The following BCAS3 variants were observed in gnomAD, a reference collection of about 807,000 sequenced individuals.
The protein encoded by BCAS3 is BCAS4/BCAS3 fusion.
In BCAS3, 53 loss-of-function variants were observed where a neutral mutation model predicts 116.1. That is an observed-to-expected ratio of 0.46 (90% confidence interval 0.37 to 0.57). The LOEUF (loss-of-function observed/expected upper bound fraction) is 0.57. Ranked by LOEUF, BCAS3 falls within the 20% of genes least tolerant of loss-of-function variation. The pLI is 0.00. For missense variants in BCAS3, 917 were observed against 1,165.4 expected (o/e 0.79, Z 3.10); for synonymous variants, 391 against 408.2 (o/e 0.96, Z 0.51).
intron 19 of BCAS3, among the ~76,000 whole-genome samples, chr17:61,071,405 G>T (rs1280083183): frequency 6.6e-6 from 1 of 152,150 alleles, no homozygotes; most frequent in Non-Finnish European, 1.5e-5. Context: ...TAGAGGAATG[G>T]CAGTGAGTCT....
At chr17:60,869,310 A>G (rs2054898963) in intron 8 of BCAS3, among the ~76,000 whole-genome samples, 1 of 152,158 alleles carries the variant, frequency 6.6e-6, no homozygotes, top group Non-Finnish European at 1.5e-5. Flanking sequence ...ATCTTCTATC[A>G]CTCAGCACTT....
chr17:60,947,989 C>T (rs527803588), intron 14 of BCAS3, among the ~76,000 whole-genome samples: 1 of 152,276 alleles, frequency 6.6e-6, no homozygotes, highest in Non-Finnish European at 1.5e-5. Flanking sequence ...TAATCACGTA[C>T]ACGTGCATGG....
chr17:60,913,567 G>A (rs763502515), intron 12 of BCAS3, among the ~76,000 whole-genome samples: 13 of 152,082 alleles, frequency 8.5e-5, no homozygotes, highest in Non-Finnish European at 1.3e-4. Context: ...AAACTGCAGT[G>A]GTTAATGTCT....
chr17:60,709,397 C>T, intron 5 of BCAS3, 72 bp downstream of exon 5: 1 of 805,632 alleles, frequency 1.2e-6, no homozygotes. Flanking sequence ...TCTGTAGATA[C>T]TTTTTTTTTT....
At chr17:60,949,239 T>A (rs2060698774) in intron 14 of BCAS3, among the ~76,000 whole-genome samples, 1 of 152,066 alleles carries the variant, frequency 6.6e-6, no homozygotes, top group South Asian at 2.1e-4. Context: ...CTAAGGTTTC[T>A]TATACAATTA....
rs60456812 is a variant in BCAS3 at position 61,192,246 on chromosome 17, C to CAAAAAAAAAA, written c.2425+107689_2425+107698dup. Among the ~76,000 whole-genome samples the CAAAAAAAAAA allele has an allele frequency of 8.1e-3, 568 of 70,496 alleles. 24 individuals are homozygous for CAAAAAAAAAA. Among genetic ancestry groups the CAAAAAAAAAA allele is most frequent in the African/African-American group, 0.023 (506 of 22,052 alleles). 46.2% of individuals were successfully genotyped at this position (70,496 alleles called of 152,430 possible). On this transcript the variant is annotated intron_variant, in intron 22 of 23. Transcript: ENST00000407086. The stretch of plus-strand genomic sequence containing the variant: ...GGGCGACAGAGCAAGGCTCTGTTAC[C>CAAAAAAAAAA]AAAAAAAAAAAAAAAAGAAACATAG...
At chr17:61,038,136 A>G in intron 18 of BCAS3, 82 bp downstream of exon 18, 1 of 1,253,720 alleles carries the variant, frequency 8.0e-7, no homozygotes, top group Non-Finnish European at 1.1e-6. Flanking sequence ...ATAAGTTTTG[A>G]CATGCATACA....
chr17:60,851,944 T>G (rs1002383139), intron 7 of BCAS3, among the ~76,000 whole-genome samples: 8 of 152,214 alleles, frequency 5.3e-5, no homozygotes, highest in Non-Finnish European at 7.3e-5. Context: ...GTTGTTTATT[T>G]TTTGGTACAA....
rs145050785 is a variant in BCAS3 at position 61,141,684 on chromosome 17, C to T, written c.2425+57120C>T. Among the ~76,000 whole-genome samples the T allele has an allele frequency of 7.6e-4, 116 of 152,112 alleles. 1 individual carries two copies. Among genetic ancestry groups the T allele is most frequent in the East Asian group, 3.9e-4 (2 of 5,182 alleles). On this transcript the variant is annotated intron_variant, in intron 22 of 23. Transcript: ENST00000407086. This position sits in a 1 kb window ranked among gnomAD's most constrained non-coding sequence, Gnocchi z 4.3. The stretch of plus-strand genomic sequence containing the variant: ...TTGAGAGGCTGAGGTGGGCGGATCA[C>T]GAGGTCAAGAGATCAAGACCATCCC...
intron 19 of BCAS3, among the ~76,000 whole-genome samples, chr17:61,046,414 G>A (rs1384336913): frequency 6.6e-6 from 1 of 151,258 alleles, no homozygotes; most frequent in East Asian, 1.9e-4. Flanking sequence ...TGGTGTCATG[G>A]GAAATTGGTT....
At chr17:60,787,913 G>A (rs998610317) in intron 6 of BCAS3, among the ~76,000 whole-genome samples, 1 of 150,872 alleles carries the variant, frequency 6.6e-6, no homozygotes, top group Non-Finnish European at 1.5e-5. Flanking sequence ...GACATGAATA[G>A]TACCTTTTTT....
rs946291117 is a variant in BCAS3, at chr17:61,118,836, C to G, written c.2425+34272C>G. On this transcript the variant is annotated intron_variant, in intron 22 of 23. Transcript: ENST00000407086. This position sits in a 1 kb window ranked among gnomAD's most constrained non-coding sequence, Gnocchi z 5.0. Reference sequence around the variant, plus strand: ...GGACTAACTTCGCAGGATTCTGGTGCTGATATTTGAAATAGATATTGTTTT... The same window carrying G: ...GGACTAACTTCGCAGGATTCTGGTGGTGATATTTGAAATAGATATTGTTTT... Among the ~76,000 whole-genome samples, 1 of 151,942 alleles carries G rather than the reference C, an allele frequency of 6.6e-6. No homozygotes were observed. Among genetic ancestry groups the G allele is most frequent in the Non-Finnish European group, 1.5e-5 (1 of 68,000 alleles).
At chr17:60,695,004 G>A (rs150760319) in intron 4 of BCAS3, among the ~76,000 whole-genome samples, 4 of 151,622 alleles carry the variant, frequency 2.6e-5, no homozygotes, top group South Asian at 2.1e-4. Flanking sequence ...TTGCCTTTTT[G>A]TGATTACCTA....
At chr17:61,328,060 A>G (rs2143069772) in intron 22 of BCAS3, among the ~76,000 whole-genome samples, 2 of 152,352 alleles carry the variant, frequency 1.3e-5, no homozygotes, top group Middle Eastern at 6.8e-3. Context: ...GCACTGTTGT[A>G]ACGGCAAAGG....
chr17:61,221,048 C>T (rs532315067), intron 22 of BCAS3, among the ~76,000 whole-genome samples: 3 of 152,236 alleles, frequency 2.0e-5, no homozygotes, highest in African/African-American at 7.2e-5. Context: ...CGCAGTGAGC[C>T]GAGATCGCAC....
chr17:61,009,710 T>C (rs1488128166), intron 15 of BCAS3, among the ~76,000 whole-genome samples: 1 of 152,028 alleles, frequency 6.6e-6, no homozygotes, highest in Non-Finnish European at 1.5e-5. Flanking sequence ...GTAACTTTAA[T>C]ATTTAACATA....
Position 61,151,870 on chromosome 17 carries a change from C to T in BCAS3, c.2425+67306C>T, listed in dbSNP as rs190727134. Reference sequence around the variant, plus strand: ...TTCATGCCAATACTCCTCCTGCAAACGTGAATGTTCCTAAAATGCACCAGA... The same window carrying T: ...TTCATGCCAATACTCCTCCTGCAAATGTGAATGTTCCTAAAATGCACCAGA... On this transcript the variant is annotated intron_variant, in intron 22 of 23. Transcript: ENST00000407086. This position sits in a 1 kb window ranked among gnomAD's most constrained non-coding sequence, Gnocchi z 4.8. Among the ~76,000 whole-genome samples, 35 of 152,264 alleles carry T rather than the reference C, an allele frequency of 2.3e-4. No homozygotes were observed. The highest frequency in any genetic ancestry group is 8.2e-4 in the African/African-American group (34 of 41,540).
At position 61,128,251 on chromosome 17, in the gene BCAS3, T is replaced by G. The variant is rs2076148901; in HGVS notation, c.2425+43687T>G. ...TGAAGCCCATGCAATGAGGACAGCC[T>G]AGGCCGTGTTAGGCTTTGACTTAAA... is the stretch of plus-strand genomic sequence containing the variant. On this transcript the variant is annotated intron_variant, in intron 22 of 23. Transcript: ENST00000407086. The surrounding 1 kb of genome is among the most constrained non-coding windows in gnomAD (Gnocchi z 4.1). The G allele has an allele frequency of 1.0e-6, 1 of 985,304 alleles. No individual in the cohort carries two copies. The highest frequency in any genetic ancestry group is 1.2e-6 in the Non-Finnish European group (1 of 829,940). The allele number at this position is 985,304 out of a possible 1,614,324, so 61.0% of individuals were successfully genotyped here. A position where few individuals can be genotyped will look rare whatever the true frequency, so the allele number is the denominator to read the frequency against.
At chr17:60,782,752 AT>A (rs915151670) in intron 6 of BCAS3, among the ~76,000 whole-genome samples, 5 of 150,456 alleles carry the variant, frequency 3.3e-5, no homozygotes, top group Non-Finnish European at 5.9e-5. Flanking sequence ...CACACAGCTA[AT>A]TTTTTTTTAT....
Sources: gnomAD v4.1 joint callset for allele counts (sites outside exome capture counted in the v4.1 genomes callset) on GRCh38, gnomAD v4.1.1 for gene constraint, Gnocchi (gnomAD v3.1) non-coding constraint, MANE v1.5 for transcripts, NCBI Gene and HGNC (gene_info 2026-07-23, HGNC 2026-07-21) for gene names.